The following INPP4B variants were observed in gnomAD, a reference collection of about 807,000 sequenced individuals.
INPP4B encodes the protein inositol polyphosphate-4-phosphatase type II B, also known as inositol polyphosphate 4-phosphatase type II.
Under a neutral mutation model 122.5 loss-of-function variants are expected in INPP4B, and 55 were observed. The ratio of observed to expected loss-of-function variants is 0.45; its 90% CI spans 0.36 to 0.56. The LOEUF is 0.56. INPP4B is among the 20% of genes least tolerant of loss of function. The probability of loss-of-function intolerance (pLI) is 0.00; values close to 1 mark genes in which losing one functional copy is unlikely to be tolerated. For missense variants in INPP4B, 1,000 were observed against 1,097.7 expected, an observed-to-expected ratio of 0.91 and a Z score of 1.26; for synonymous variants, 403 against 388.7, an observed-to-expected ratio of 1.04 and a Z score of -0.43.
intron 25 of INPP4B, among the ~76,000 whole-genome samples, chr4:142,044,471 C>T (rs1482473635): frequency 6.6e-6 from 1 of 152,082 alleles, no homozygotes. Context: ...CACCAGATTC[C>T]ATGATTTTGT....
chr4:142,115,092 G>A (rs1411508544), intron 21 of INPP4B, among the ~76,000 whole-genome samples: 1 of 151,998 alleles, frequency 6.6e-6, no homozygotes. Context: ...GAAATGAAGT[G>A]AGAAGAGAAA....
chr4:142,138,919 G>T (rs1457288036), intron 18 of INPP4B, among the ~76,000 whole-genome samples: 1 of 152,114 alleles, frequency 6.6e-6, no homozygotes, highest in African/African-American at 2.4e-5. Context: ...CATGCCTCAA[G>T]GCCAATAAAG....
intron 11 of INPP4B, among the ~76,000 whole-genome samples, chr4:142,256,795 A>G (rs1359901457): frequency 1.3e-5 from 2 of 152,232 alleles, no homozygotes; most frequent in Non-Finnish European, 2.9e-5. Context: ...AACTGGTACC[A>G]TTCCTTCTGA....
intron 2 of INPP4B, among the ~76,000 whole-genome samples, chr4:142,634,060 G>A (rs1198786264): frequency 6.6e-6 from 1 of 151,778 alleles, no homozygotes; most frequent in Non-Finnish European, 1.5e-5. Flanking sequence ...GAAAAGGCAG[G>A]GGGCTGGAGG....
chr4:142,037,755 CT>C (rs1205844811), intron 25 of INPP4B, among the ~76,000 whole-genome samples: 2 of 152,086 alleles, frequency 1.3e-5, no homozygotes, highest in African/African-American at 4.8e-5. Flanking sequence ...GTTTCAGGCC[CT>C]AGACTGTTGA....
intron 2 of INPP4B, among the ~76,000 whole-genome samples, chr4:142,695,723 G>C (rs1760932090): frequency 1.3e-5 from 2 of 152,126 alleles, no homozygotes; most frequent in African/African-American, 4.8e-5. Context: ...GTTATATAAT[G>C]CTCATTAAGA....
At chr4:142,756,811 C>A (rs1034702190) in intron 1 of INPP4B, among the ~76,000 whole-genome samples, 2 of 151,924 alleles carry the variant, frequency 1.3e-5, no homozygotes, top group African/African-American at 4.8e-5. Context: ...AAATTGAAAA[C>A]AACAATGATA....
At chr4:142,741,276 T>G (rs1767858139) in intron 1 of INPP4B, among the ~76,000 whole-genome samples, 1 of 151,932 alleles carries the variant, frequency 6.6e-6, no homozygotes, top group South Asian at 2.1e-4. Flanking sequence ...CTTACAAACA[T>G]GGTGGAGGGT....
intron 3 of INPP4B, among the ~76,000 whole-genome samples, chr4:142,445,015 G>A (rs1396252787): frequency 6.6e-6 from 1 of 151,990 alleles, no homozygotes; most frequent in Non-Finnish European, 1.5e-5. Context: ...GGCCTGTCAG[G>A]GTGTGGAGGC....
chr4:142,652,860 T>A (rs2150546876), intron 2 of INPP4B, among the ~76,000 whole-genome samples: 1 of 152,288 alleles, frequency 6.6e-6, no homozygotes, highest in Non-Finnish European at 1.5e-5. Context: ...TGGAAAAAAC[T>A]ATTTTAAAGT....
chr4:142,744,174 G>T (rs1768319219), intron 1 of INPP4B, among the ~76,000 whole-genome samples: 1 of 151,872 alleles, frequency 6.6e-6, no homozygotes, highest in Admixed American at 6.6e-5. Flanking sequence ...AACAATAAAT[G>T]AAATGTAAAA....
intron 1 of INPP4B, among the ~76,000 whole-genome samples, chr4:142,726,929 T>C (rs1162824034): frequency 4.6e-5 from 7 of 152,144 alleles, no homozygotes; most frequent in Admixed American, 4.6e-4. Context: ...AAGCTAAGCA[T>C]GAGAAAGCAT....
chr4:142,377,756 T>C (rs998559486), intron 7 of INPP4B, among the ~76,000 whole-genome samples: 4 of 152,144 alleles, frequency 2.6e-5, no homozygotes, highest in Non-Finnish European at 4.4e-5. Flanking sequence ...TGCAGAGTAT[T>C]AGAGTAATTA....
chr4:142,729,414 T>C (rs1162345738), intron 1 of INPP4B, among the ~76,000 whole-genome samples: 1 of 152,162 alleles, frequency 6.6e-6, no homozygotes, highest in African/African-American at 2.4e-5. Flanking sequence ...TGGAAGCCAA[T>C]AGCCAATGGA....
intron 7 of INPP4B, chr4:142,317,487 A>T (rs763431116): frequency 7.1e-6 from 2 of 280,004 alleles, no homozygotes; most frequent in Non-Finnish European, 1.5e-5. Flanking sequence ...GAGTATTCCA[A>T]CGCGCATTAT....
At chr4:142,254,684 C>T (rs1347891181) in intron 11 of INPP4B, among the ~76,000 whole-genome samples, 1 of 152,068 alleles carries the variant, frequency 6.6e-6, no homozygotes. Flanking sequence ...AACAAAGCCT[C>T]CAAGAAATAT....
intron 1 of INPP4B, among the ~76,000 whole-genome samples, chr4:142,749,581 A>G (rs1228474778): frequency 2.6e-5 from 4 of 151,830 alleles, no homozygotes; most frequent in African/African-American, 9.7e-5. Context: ...CACTCAATAA[A>G]AGATCCAGTT....
intron 2 of INPP4B, among the ~76,000 whole-genome samples, chr4:142,613,862 C>T (rs893803498): frequency 2.6e-5 from 4 of 152,124 alleles, no homozygotes; most frequent in Admixed American, 1.3e-4. Context: ...AGGTTATTTG[C>T]AAATGGTAAG....
At chr4:142,835,290 AC>A (rs1782644534) in intron 1 of INPP4B, among the ~76,000 whole-genome samples, 1 of 152,206 alleles carries the variant, frequency 6.6e-6, no homozygotes. Flanking sequence ...TGTAGGGCCC[AC>A]TAGCCTGAGA....
Sources: allele counts gnomAD v4.1 joint callset (sites outside exome capture counted in the v4.1 genomes callset), GRCh38; gene constraint gnomAD v4.1.1; transcripts MANE v1.5; gene names NCBI Gene and HGNC (gene_info 2026-07-23, HGNC 2026-07-21).